Variants in LRRC4B observed in about 807,000 individuals in gnomAD.
The protein encoded by LRRC4B is leucine-rich repeat-containing protein 4B.
A neutral mutation model predicts 7.3 loss-of-function variants in LRRC4B; 1 was observed. That is an observed-to-expected ratio of 0.14 (90% CI 0.05 to 0.65). The LOEUF is 0.65. LRRC4B is among the 30% of genes least tolerant of loss of function. LRRC4B has a pLI of 0.84. For missense variants in LRRC4B, 730 were observed against 1,041.6 expected (o/e 0.70, Z 4.12); for synonymous variants, 500 against 499.2 (o/e 1.00, Z -0.02).
rs369972404 is a variant in LRRC4B at position 50,518,072 on chromosome 19, C to A, written c.1641G>T (p.Arg547=). The A allele has an allele frequency of 3.1e-6, 5 of 1,590,746 alleles. No homozygotes were observed. The African/African-American group carries it at 6.8e-5, about 22-fold the overall frequency. Residue 547 remains arginine, a synonymous_variant, in exon 3 of 3, where the codon CGG becomes CGT. Coordinates refer to ENST00000652263, the MANE Select transcript of LRRC4B (RefSeq NM_001080457.2). ...STTAPAPRSS[R]PTEKAFTVPI... ...GCACCGTGAACGCCTTCTCCGTGGG[C>A]CGCGAGGAGCGCGGGGCGGGTGCCG...
intron 1 of LRRC4B, among the ~76,000 whole-genome samples, chr19:50,554,946 T>G (rs968267284): frequency 5.3e-5 from 8 of 152,142 alleles, no homozygotes; most frequent in African/African-American, 1.4e-4. Flanking sequence ...TGCCTGTGTG[T>G]GGGGGGCAGG....
intron 2 of LRRC4B, among the ~76,000 whole-genome samples, chr19:50,541,018 C>T (rs1251173735): frequency 6.6e-6 from 1 of 151,436 alleles, no homozygotes; most frequent in Non-Finnish European, 1.5e-5. Flanking sequence ...CCTATCTCTA[C>T]TAAAAATACA....
rs1362294391 is a variant in LRRC4B at position 50,555,586 on chromosome 19, ACTCGAGGCG to A, written c.-35-6722_-35-6714del. 6.6e-6 allele frequency: 1 copy of A among 152,358 alleles called. No individual in the cohort carries two copies. Among genetic ancestry groups the A allele is most frequent in the East Asian group, 1.9e-4 (1 of 5,196 alleles). 9.4% of individuals were successfully genotyped at this position (152,358 alleles called of 1,614,324 possible). A position where few individuals can be genotyped will look rare whatever the true frequency, so the allele number is the denominator to read the frequency against. On this transcript the variant is annotated intron_variant, in intron 1 of 2. Transcript: ENST00000652263. The surrounding 1 kb of genome is among the most constrained non-coding windows in gnomAD (Gnocchi z 5.2). ...AGGCAGAGGCTGGGAGGGCCCGGGC[ACTCGAGGCG>A]TGAAGCTGAGTCCTCACCGGCTTCG...
At position 50,517,810 on chromosome 19, in the gene LRRC4B, C is replaced by T. The variant is rs752793543; in HGVS notation, c.1903G>A (p.Ala635Thr). Residue 635 changes from alanine to threonine, a missense_variant, in exon 3 of 3, where the codon GCG (alanine) becomes ACG (threonine). Physicochemically the swap from Ala to Thr is moderately conservative, Grantham distance 58. This residue lies in a region of LRRC4B where 160 missense variants were observed against 163.9 expected (regional missense o/e 0.98). Transcript: ENST00000652263. This position sits in a 1 kb window ranked among gnomAD's most constrained non-coding sequence, Gnocchi z 6.6. ...PAASAVSVAA[A>T]AAVASGGGVG... ...CCACCCCCACTGGCCACGGCGGCCG[C>T]GGCGGCCACGGACACGGCCGAGGCG... The T allele has an allele frequency of 4.5e-6, 7 of 1,552,932 alleles. No individual in the cohort carries two copies. The highest frequency in any genetic ancestry group is 4.6e-5 in the East Asian group (2 of 43,260).
In LRRC4B at chr19:50,517,808, C is replaced by G; in HGVS notation, c.1905G>C (p.Ala635=). 1 of 1,550,272 alleles carries G rather than the reference C, an allele frequency of 6.5e-7. No individual in the cohort carries two copies. Among genetic ancestry groups the G allele is most frequent in the South Asian group, 1.2e-5 (1 of 82,022 alleles). ...PAASAVSVAA[A]AAVASGGGVG... ...CACCACCCCCACTGGCCACGGCGGC[C>G]GCGGCGGCCACGGACACGGCCGAGG... Residue 635 remains alanine, a synonymous_variant, in exon 3 of 3, where the codon GCG becomes GCC. Coordinates refer to ENST00000652263, the MANE Select transcript of LRRC4B (RefSeq NM_001080457.2). The surrounding 1 kb of genome is among the most constrained non-coding windows in gnomAD (Gnocchi z 6.6).
chr19:50,532,052 G>A (rs1328750387), intron 2 of LRRC4B, among the ~76,000 whole-genome samples: 2 of 151,966 alleles, frequency 1.3e-5, no homozygotes, highest in South Asian at 2.1e-4. Flanking sequence ...GTGAAACCTC[G>A]TCTCTACTAA....
chr19:50,522,691 T>TG (rs1327704957), intron 2 of LRRC4B, among the ~76,000 whole-genome samples: 1 of 152,168 alleles, frequency 6.6e-6, no homozygotes, highest in Admixed American at 6.6e-5. Context: ...TTGGCCAGGC[T>TG]GGTCTCGAAC....
intron 2 of LRRC4B, among the ~76,000 whole-genome samples, chr19:50,547,210 G>A (rs1042446252): frequency 4.8e-4 from 73 of 152,134 alleles, no homozygotes; most frequent in African/African-American, 1.4e-3. Context: ...GGAGGTGGGC[G>A]TGGACAGAGG....
intron 2 of LRRC4B, among the ~76,000 whole-genome samples, chr19:50,524,784 A>C (rs1001027156): frequency 2.0e-4 from 31 of 152,204 alleles, no homozygotes; most frequent in African/African-American, 7.0e-4. Context: ...CAGGGCGTCC[A>C]GGGCACCTCT....
At chr19:50,562,271 C>G (rs1384749211) in intron 1 of LRRC4B, among the ~76,000 whole-genome samples, 1 of 152,148 alleles carries the variant, frequency 6.6e-6, no homozygotes, top group Non-Finnish European at 1.5e-5. Flanking sequence ...GGAGTCCCGG[C>G]TCTGCCATTT....
At chr19:50,559,443 A>G (rs1982394885) in intron 1 of LRRC4B, among the ~76,000 whole-genome samples, 1 of 152,158 alleles carries the variant, frequency 6.6e-6, no homozygotes, top group South Asian at 2.1e-4. Context: ...GAAAAAAAGG[A>G]AAGAAAAAAA....
chr19:50,558,517 C>G (rs778020830), intron 1 of LRRC4B, among the ~76,000 whole-genome samples: 6 of 152,222 alleles, frequency 3.9e-5, no homozygotes, highest in African/African-American at 7.2e-5. Flanking sequence ...GCGTGAGCCA[C>G]GGCACCCGGC....
intron 1 of LRRC4B, among the ~76,000 whole-genome samples, chr19:50,564,708 A>G (rs1463155056): frequency 1.3e-5 from 2 of 151,922 alleles, no homozygotes; most frequent in Non-Finnish European, 2.9e-5. Context: ...CCGGCCAGAG[A>G]GAGTGGGGTG....
At chr19:50,560,428 C>A (rs749945297) in intron 1 of LRRC4B, among the ~76,000 whole-genome samples, 9 of 152,186 alleles carry the variant, frequency 5.9e-5, no homozygotes, top group Non-Finnish European at 1.2e-4. Flanking sequence ...GGGAGCTTCA[C>A]CCCTCAGGAC....
chr19:50,566,795 A>G (rs1431698055), intron 1 of LRRC4B, among the ~76,000 whole-genome samples: 1 of 149,420 alleles, frequency 6.7e-6, no homozygotes, highest in African/African-American at 2.5e-5. Flanking sequence ...CTATGGGGTG[A>G]GGAGACAACG....
At chr19:50,564,553 C>T (rs1019408994) in intron 1 of LRRC4B, among the ~76,000 whole-genome samples, 2 of 151,856 alleles carry the variant, frequency 1.3e-5, no homozygotes, top group African/African-American at 4.8e-5. Context: ...ATGAATGAGT[C>T]CACAGACTAG....
Position 50,518,986 on chromosome 19 carries a change from G to T in LRRC4B, c.727C>A (p.Leu243Met). Residue 243 changes from leucine (L) to methionine (M), a missense_variant, in exon 3 of 3, where the codon CTG becomes ATG. Around this residue, in one of 6 missense-constraint regions of LRRC4B, gnomAD observed 226 missense variants for 448.0 expected, o/e 0.50. Coordinates refer to ENST00000652263, the MANE Select transcript of LRRC4B (RefSeq NM_001080457.2). ...ELELSGNRLD[L>M]IRPGSFQGLT... ...CCCTGGAAGGAGCCCGGGCGGATCA[G>T]GTCCAGCCGGTTGCCCGACAGCTCC... 1 of 1,613,112 alleles carries T rather than the reference G, an allele frequency of 6.2e-7. No individual in the cohort carries two copies.
At chr19:50,531,994 G>A (rs561721914) in intron 2 of LRRC4B, among the ~76,000 whole-genome samples, 4 of 152,278 alleles carry the variant, frequency 2.6e-5, no homozygotes, top group Non-Finnish European at 2.9e-5. Context: ...AGGCCAAGGC[G>A]GGAGGATTGC....
chr19:50,566,842 G>A (rs1218811129), intron 1 of LRRC4B, among the ~76,000 whole-genome samples: 1 of 150,962 alleles, frequency 6.6e-6, no homozygotes, highest in Non-Finnish European at 1.5e-5. Flanking sequence ...GGTCATAGAA[G>A]GATGTTTCAG....
Sources: allele counts gnomAD v4.1 joint callset (sites outside exome capture counted in the v4.1 genomes callset), GRCh38; gene constraint gnomAD v4.1.1; regional missense constraint gnomAD v4.1.1; non-coding constraint Gnocchi (gnomAD v3.1); transcripts MANE v1.5; gene names NCBI Gene and HGNC (gene_info 2026-07-23, HGNC 2026-07-21).